The following MAPRE2 variants were observed in gnomAD, a reference collection of about 807,000 sequenced individuals.
MAPRE2 encodes microtubule associated protein RP/EB family member 2.
Under a neutral mutation model 43.2 loss-of-function variants are expected in MAPRE2, and 13 were observed. The ratio of observed to expected loss-of-function variants is 0.30; its 90% confidence interval spans 0.20 to 0.48. The LOEUF (loss-of-function observed/expected upper bound fraction) is 0.48, where lower values mean the gene tolerates loss of function less well. Among genes scored for constraint, MAPRE2 ranks in the 20% least tolerant of loss-of-function variants. MAPRE2 has a pLI of 0.99. For missense variants in MAPRE2, 161 were observed against 400.2 expected, an observed-to-expected ratio of 0.40 and a Z score of 5.10; for synonymous variants, 135 against 148.8, an observed-to-expected ratio of 0.91 and a Z score of 0.68.
At chr18:35,089,356 G>T (rs770448900) in intron 2 of MAPRE2, among the ~76,000 whole-genome samples, 19 of 151,984 alleles carry the variant, frequency 1.3e-4, no homozygotes, top group Non-Finnish European at 2.9e-5. Context: ...ATACCATCAA[G>T]AAAGTGAAAA....
chr18:35,100,807 G>A (rs1908640555), intron 3 of MAPRE2, among the ~76,000 whole-genome samples: 2 of 152,094 alleles, frequency 1.3e-5, no homozygotes, highest in Non-Finnish European at 2.9e-5. Context: ...TTGGGAGGCC[G>A]AGGCGGGTGG....
chr18:35,055,718 C>T (rs1055020880), intron 1 of MAPRE2, among the ~76,000 whole-genome samples: 7 of 151,972 alleles, frequency 4.6e-5, no homozygotes, highest in African/African-American at 1.2e-4. Context: ...TTTGGGAGGC[C>T]GAGGTGGGCG....
intron 1 of MAPRE2, among the ~76,000 whole-genome samples, chr18:35,048,471 C>T (rs1337334961): frequency 6.6e-6 from 1 of 151,080 alleles, no homozygotes; most frequent in East Asian, 1.9e-4. Flanking sequence ...TATATATACA[C>T]ATACATATAT....
Position 35,132,040 on chromosome 18 carries a change from A to G in MAPRE2, c.759A>G (p.Ser253=), listed in dbSNP as rs765987964. The G allele has an allele frequency of 1.2e-6, 2 of 1,613,924 alleles. No individual in the cohort carries two copies. Among genetic ancestry groups the G allele is most frequent in the African/African-American group, 1.3e-5 (1 of 74,846 alleles). The change falls in exon 6 of 7, where the codon TCA becomes TCG. Residue 253 remains serine, a synonymous_variant. Transcript: ENST00000300249. ...CTCTCACTCCCTTGCAGGTACATTC[A>G]TTAAAACTTGCCCTTGAAGGCGTGG... is the stretch of plus-strand genomic sequence containing the variant. ...QVIQLNEQVH[S]LKLALEGVEK... is the part of the protein sequence containing the mutation.
chr18:35,089,136 C>T (rs1284413528), intron 2 of MAPRE2, among the ~76,000 whole-genome samples: 4 of 152,136 alleles, frequency 2.6e-5, no homozygotes, highest in Non-Finnish European at 4.4e-5. Context: ...AGGAATGACT[C>T]AGTGAGTAAG....
At chr18:35,020,665 C>T (rs1002974435) in intron 2 of MAPRE2, among the ~76,000 whole-genome samples, 9 of 152,044 alleles carry the variant, frequency 5.9e-5, no homozygotes, top group African/African-American at 1.4e-4. Flanking sequence ...ACTATCTAAC[C>T]ACTCTTGCCT....
At chr18:35,136,147 A>T (rs1910382615) in intron 6 of MAPRE2, among the ~76,000 whole-genome samples, 1 of 152,090 alleles carries the variant, frequency 6.6e-6, no homozygotes, top group South Asian at 2.1e-4. Flanking sequence ...AGTTGTAGAG[A>T]CCTAATGGAA....
At position 35,046,770 on chromosome 18, in the gene MAPRE2, G is replaced by A. The variant is rs1331387138; in HGVS notation, c.122+5109G>A. ...CTCTAATGTGCAGAGATCAGGACTAGGTAGATGTTCTCTGGCTCAGGATGT... is the reference window on the plus strand; with the variant it reads ...CTCTAATGTGCAGAGATCAGGACTAAGTAGATGTTCTCTGGCTCAGGATGT... On this transcript the variant is annotated intron_variant, in intron 1 of 6. Coordinates refer to ENST00000300249, the MANE Select transcript of MAPRE2 (RefSeq NM_014268.4). 4.6e-5 allele frequency among the ~76,000 whole-genome samples: 7 copies of A among 152,318 alleles called. 1 individual carries two copies. Among genetic ancestry groups the A allele is most frequent in the Admixed American group, 1.3e-4 (2 of 15,300 alleles).
At chr18:34,985,477 T>C (rs1342305361) in intron 1 of MAPRE2, among the ~76,000 whole-genome samples, 1 of 53,412 alleles carries the variant, frequency 1.9e-5, no homozygotes, top group East Asian at 6.8e-4. Context: ...ATATAATATA[T>C]AATATATATA....
intron 1 of MAPRE2, chr18:34,978,406 G>A (rs2097014344): frequency 1.0e-6 from 1 of 964,632 alleles, no homozygotes; most frequent in African/African-American, 1.6e-5. Flanking sequence ...GCGGAGGTTC[G>A]GTCCCAGCTG....
intron 4 of MAPRE2, among the ~76,000 whole-genome samples, chr18:35,119,341 C>T (rs764658113): frequency 5.3e-5 from 8 of 152,192 alleles, no homozygotes; most frequent in African/African-American, 9.7e-5. Context: ...CTTACCCACC[C>T]GCAGCCCAGC....
chr18:34,991,430 T>C (rs1258121621), intron 1 of MAPRE2, among the ~76,000 whole-genome samples: 1 of 152,184 alleles, frequency 6.6e-6, no homozygotes, highest in Non-Finnish European at 1.5e-5. Flanking sequence ...ACAGAACTAT[T>C]ATTTGCCTTA....
At chr18:35,068,272 T>C (rs1328649758) in intron 1 of MAPRE2, among the ~76,000 whole-genome samples, 1 of 152,208 alleles carries the variant, frequency 6.6e-6, no homozygotes, top group African/African-American at 2.4e-5. Context: ...AAATACCATT[T>C]TTCACTAAAA....
chr18:35,038,211 A>G (rs1318111358), upstream of MAPRE2, among the ~76,000 whole-genome samples: 1 of 152,122 alleles, frequency 6.6e-6, no homozygotes, highest in Non-Finnish European at 1.5e-5. Context: ...CACCACCACC[A>G]TCACAAACTC....
chr18:35,047,716 T>TAAA (rs34691999), intron 1 of MAPRE2, among the ~76,000 whole-genome samples: 2,107 of 143,066 alleles, frequency 0.015, 18 homozygotes, highest in Non-Finnish European at 0.018. Context: ...GTAGGTTACT[T>TAAA]AAAAAAAAAA....
chr18:35,112,677 G>T (rs541710551), intron 4 of MAPRE2, among the ~76,000 whole-genome samples: 1 of 152,332 alleles, frequency 6.6e-6, no homozygotes, highest in Non-Finnish European at 1.5e-5. Context: ...CTCCCTGGAA[G>T]AAGAGAGGTA....
intron 1 of MAPRE2, among the ~76,000 whole-genome samples, chr18:35,064,392 G>A (rs145663737): frequency 1.3e-5 from 2 of 152,160 alleles, no homozygotes; most frequent in African/African-American, 4.8e-5. Flanking sequence ...AAGAGAAAAT[G>A]AGGACAGGCA....
intron 1 of MAPRE2, among the ~76,000 whole-genome samples, chr18:35,065,502 A>G (rs999123913): frequency 1.3e-5 from 2 of 151,966 alleles, no homozygotes; most frequent in Non-Finnish European, 2.9e-5. Flanking sequence ...TTCCTCCCTT[A>G]TCTCCTGCTT....
At chr18:35,007,470 G>T (rs1458391292) in intron 2 of MAPRE2, among the ~76,000 whole-genome samples, 2 of 152,188 alleles carry the variant, frequency 1.3e-5, no homozygotes, top group Non-Finnish European at 2.9e-5. Flanking sequence ...TTTTTGCCTT[G>T]CTGGTCATAC....
Sources: gnomAD v4.1 joint callset for allele counts (sites outside exome capture counted in the v4.1 genomes callset) on GRCh38, gnomAD v4.1.1 for gene constraint, MANE v1.5 for transcripts, NCBI Gene and HGNC (gene_info 2026-07-23, HGNC 2026-07-21) for gene names.